Variants in HGF observed in about 807,000 individuals in gnomAD.
The protein encoded by HGF is hepatocyte growth factor, also known as fibroblast-derived tumor cytotoxic factor.
Under a neutral mutation model 111.6 loss-of-function variants are expected in HGF, and 39 were observed. That is an observed-to-expected ratio of 0.35 (90% CI 0.27 to 0.46). The LOEUF (loss-of-function observed/expected upper bound fraction) is 0.46. Ranked by LOEUF, HGF falls within the 20% of genes least tolerant of loss-of-function variation. The pLI is 1.00. For synonymous variants in HGF, 285 were observed against 294.8 expected (o/e 0.97, Z 0.34); for missense variants, 735 against 910.5 (o/e 0.81, Z 2.48).
intron 17 of HGF, 32 bp from the exon 18 acceptor site, chr7:81,702,789 A>T: frequency 6.3e-7 from 1 of 1,577,852 alleles, no homozygotes. Context: ...ACAAAGTATT[A>T]TTAGGAATTA....
At chr7:81,725,552 G>A (rs5745705) in intron 9 of HGF, among the ~76,000 whole-genome samples, 1,765 of 152,040 alleles carry the variant, frequency 0.012, 39 homozygotes, top group African/African-American at 0.041. Flanking sequence ...TCTCTCTACT[G>A]CTTATGACAA....
At chr7:81,705,791 G>A (rs1789409569) in intron 15 of HGF, 38 bp from the exon 16 acceptor site, 2 of 1,188,480 alleles carry the variant, frequency 1.7e-6, no homozygotes, top group Non-Finnish European at 2.5e-6. Flanking sequence ...ACTCTCAACT[G>A]GATTCAACAC....
At chr7:81,755,953 T>C (rs1788746116) in intron 4 of HGF, 1 of 698,702 alleles carries the variant, frequency 1.4e-6, no homozygotes. Context: ...TTTCTTTCTG[T>C]GTTGGTCAAT....
At chr7:81,742,619 G>A (rs541483737) in intron 7 of HGF, 15 of 868,164 alleles carry the variant, frequency 1.7e-5, no homozygotes, top group Middle Eastern at 4.8e-4. Flanking sequence ...TTGTTTAAGA[G>A]AACAGTGAAA....
intron 7 of HGF, among the ~76,000 whole-genome samples, chr7:81,740,229 T>C (rs944729862): frequency 6.6e-6 from 1 of 152,186 alleles, no homozygotes; most frequent in Non-Finnish European, 1.5e-5. Context: ...AGTGACATAA[T>C]CATTATCTTT....
chr7:81,726,823 G>A (rs1324176111), intron 8 of HGF, among the ~76,000 whole-genome samples: 1 of 151,310 alleles, frequency 6.6e-6, no homozygotes, highest in Non-Finnish European at 1.5e-5. Flanking sequence ...ATATAAATAA[G>A]GTTCACATTA....
intron 17 of HGF, 50 bp from the exon 18 acceptor site, chr7:81,702,807 G>A: frequency 6.8e-7 from 1 of 1,474,050 alleles, no homozygotes; most frequent in Non-Finnish European, 9.5e-7. Flanking sequence ...TTAAAAAAAA[G>A]CTCATTAACA....
intron 11 of HGF, among the ~76,000 whole-genome samples, chr7:81,712,204 G>A (rs1789589365): frequency 6.6e-6 from 1 of 151,932 alleles, no homozygotes; most frequent in African/African-American, 2.4e-5. Context: ...ACATTCCATT[G>A]AATAGCACTC....
Position 81,705,381 on chromosome 7 carries a change from C to G in HGF, c.2010+9G>C, listed in dbSNP as rs201730498. On this transcript the variant is annotated intron_variant, in intron 17 of 17. Transcript: ENST00000222390. ...TCACATACTCCTTATTAAAGAACTT[C>G]CTTTTTACCTCACATGGTCCTGATC... 6.2e-7 allele frequency: 1 copy of G among 1,611,600 alleles called. No individual in the cohort carries two copies.
At chr7:81,712,912 TTCA>T (rs1355814999) in intron 11 of HGF, among the ~76,000 whole-genome samples, 9 of 152,168 alleles carry the variant, frequency 5.9e-5, no homozygotes, top group Admixed American at 5.2e-4. Flanking sequence ...ACATACAAAA[TTCA>T]TCATTTCTCT....
At chr7:81,721,234 G>A (rs745908078) in intron 9 of HGF, among the ~76,000 whole-genome samples, 8 of 151,540 alleles carry the variant, frequency 5.3e-5, no homozygotes, top group Non-Finnish European at 7.4e-5. Flanking sequence ...GCGACAGAGC[G>A]AGACTCCGTC....
intron 3 of HGF, among the ~76,000 whole-genome samples, chr7:81,757,931 G>A (rs1200665078): frequency 6.6e-6 from 1 of 151,674 alleles, no homozygotes; most frequent in Admixed American, 6.6e-5. Flanking sequence ...TTCAAGATTT[G>A]TAGTATTATT....
chr7:81,729,502 C>G lies in HGF; in HGVS notation c.1040+103G>C, dbSNP rs5745689. On this transcript the variant is annotated intron_variant, in intron 8 of 17. Coordinates refer to ENST00000222390, the MANE Select transcript of HGF (RefSeq NM_000601.6). ...TTTAACTCCTGATTATCACTGGGCA[C>G]GCTGAAGTTTGATCACTAACACAAA... is the stretch of plus-strand genomic sequence containing the variant. 6.6e-5 allele frequency: 55 copies of G among 837,360 alleles called. No individual in the cohort carries two copies. The African/African-American group carries it at 7.6e-4, about 12-fold the overall frequency. The allele number at this position is 837,360 out of a possible 1,614,324, so 51.9% of individuals were successfully genotyped here.
chr7:81,710,339 T>C (rs770712489), intron 12 of HGF, 96 bp from the exon 13 acceptor site: 2 of 815,456 alleles, frequency 2.5e-6, no homozygotes, highest in African/African-American at 1.7e-5. Context: ...TACACAAATG[T>C]AACTATTCTT....
chr7:81,732,181 C>T (rs763505314), intron 7 of HGF, among the ~76,000 whole-genome samples: 1 of 152,146 alleles, frequency 6.6e-6, no homozygotes, highest in Non-Finnish European at 1.5e-5. Context: ...TTGCATCTCA[C>T]TGAGAAACTA....
intron 13 of HGF, 52 bp from the exon 14 acceptor site, chr7:81,707,416 T>A: frequency 3.0e-6 from 3 of 996,606 alleles, no homozygotes; most frequent in Non-Finnish European, 4.8e-6. Context: ...AAAGAGTGAC[T>A]GCCAATTAAT....
At chr7:81,737,630 G>A (rs1465682305) in intron 7 of HGF, among the ~76,000 whole-genome samples, 1 of 151,948 alleles carries the variant, frequency 6.6e-6, no homozygotes, top group Non-Finnish European at 1.5e-5. Context: ...CTTCATTTAA[G>A]GTGCCATTAA....
At chr7:81,752,344 T>C in intron 4 of HGF, 82 bp from the exon 5 acceptor site, 1 of 1,154,742 alleles carries the variant, frequency 8.7e-7, no homozygotes, top group South Asian at 1.2e-5. Flanking sequence ...AGTGGGTATG[T>C]TTTTGCTGAA....
chr7:81,714,792 A>G (rs1789667831), intron 11 of HGF, among the ~76,000 whole-genome samples: 1 of 152,154 alleles, frequency 6.6e-6, no homozygotes, highest in African/African-American at 2.4e-5. Context: ...TATATAAATA[A>G]TAAGAACTCA....
Sources: gnomAD v4.1 joint callset for allele counts (sites outside exome capture counted in the v4.1 genomes callset) on GRCh38, gnomAD v4.1.1 for gene constraint, MANE v1.5 for transcripts, NCBI Gene and HGNC (gene_info 2026-07-23, HGNC 2026-07-21) for gene names.